Variants in FAM168A observed in about 807,000 individuals in gnomAD.
FAM168A encodes the protein protein FAM168A.
A neutral mutation model predicts 28.5 loss-of-function variants in FAM168A; 3 were observed. The observed-to-expected ratio is 0.11, with a 90% CI of 0.05 to 0.27. The LOEUF is 0.27. Ranked by LOEUF, FAM168A falls within the 10% of genes least tolerant of loss-of-function variation. The probability of loss-of-function intolerance (pLI) is 1.00; values close to 1 mark genes in which losing one functional copy is unlikely to be tolerated. For synonymous variants in FAM168A, 122 were observed against 124.2 expected, an observed-to-expected ratio of 0.98 and a Z score of 0.12; for missense variants, 222 against 311.5, an observed-to-expected ratio of 0.71 and a Z score of 2.16.
In FAM168A at chr11:73,401,962, A is replaced by T. The variant is rs1213951701; in HGVS notation, c.*4801T>A. On this transcript the variant is annotated 3_prime_UTR_variant, in exon 8 of 8. Coordinates refer to ENST00000356467, the MANE Select transcript of FAM168A (RefSeq NM_015159.3). Reference sequence around the variant, plus strand: ...GAGGAGTTTTCTAGGAAAGGGGCAGATAAGTAAAGGACAAACCCTGCAGCC... The same window carrying T: ...GAGGAGTTTTCTAGGAAAGGGGCAGTTAAGTAAAGGACAAACCCTGCAGCC... 3 of 152,270 alleles carry T rather than the reference A, an allele frequency of 2.0e-5. No individual in the cohort carries two copies. The highest frequency in any genetic ancestry group is 7.2e-5 in the African/African-American group (3 of 41,468). The allele number at this position is 152,270 out of a possible 1,614,324, so 9.4% of individuals were successfully genotyped here. A position where few individuals can be genotyped will look rare whatever the true frequency, so the allele number is the denominator to read the frequency against.
At chr11:73,433,986 C>T (rs553714264) in intron 2 of FAM168A, among the ~76,000 whole-genome samples, 1 of 151,366 alleles carries the variant, frequency 6.6e-6, no homozygotes, top group Admixed American at 6.6e-5. Flanking sequence ...GTTGGTATTA[C>T]AGGCACATAC....
At chr11:73,533,642 T>G (rs1263225152) in intron 1 of FAM168A, among the ~76,000 whole-genome samples, 1 of 152,216 alleles carries the variant, frequency 6.6e-6, no homozygotes. Context: ...TTTAGCTTTT[T>G]TGTTTTAAAG....
At chr11:73,442,933 AT>A (rs1310474695) in intron 2 of FAM168A, among the ~76,000 whole-genome samples, 1 of 108,048 alleles carries the variant, frequency 9.3e-6, no homozygotes, top group Non-Finnish European at 1.9e-5. Flanking sequence ...GTCCACAGGA[AT>A]TTTCCTTTAT....
intron 1 of FAM168A, among the ~76,000 whole-genome samples, chr11:73,550,302 T>C (rs1217603839): frequency 2.0e-5 from 3 of 152,072 alleles, no homozygotes; most frequent in Non-Finnish European, 4.4e-5. Context: ...TGAAATGGAA[T>C]AGAAGGTGGG....
At chr11:73,469,501 GCT>G (rs1467928172) in intron 1 of FAM168A, among the ~76,000 whole-genome samples, 1 of 152,196 alleles carries the variant, frequency 6.6e-6, no homozygotes, top group African/African-American at 2.4e-5. Context: ...GATGACAACT[GCT>G]CTGTGATTAG....
At chr11:73,589,913 G>C in intron 1 of FAM168A, among the ~76,000 whole-genome samples, 1 of 152,100 alleles carries the variant, frequency 6.6e-6, no homozygotes, top group Admixed American at 6.6e-5. Flanking sequence ...GGCGACAAGA[G>C]TGAAACTCCG....
At chr11:73,479,795 T>TATCA in intron 1 of FAM168A, among the ~76,000 whole-genome samples, 1 of 152,218 alleles carries the variant, frequency 6.6e-6, no homozygotes. Flanking sequence ...AAGGGCCTGA[T>TATCA]ATTAAAGCAA....
intron 1 of FAM168A, among the ~76,000 whole-genome samples, chr11:73,591,986 T>C (rs1375295694): frequency 6.6e-6 from 1 of 152,168 alleles, no homozygotes; most frequent in East Asian, 1.9e-4. Context: ...GGAAGACACA[T>C]TAGAAAACTA....
intron 1 of FAM168A, among the ~76,000 whole-genome samples, chr11:73,513,465 C>G (rs553901692): frequency 4.8e-4 from 73 of 151,902 alleles, no homozygotes; most frequent in African/African-American, 1.7e-3. Context: ...ATCCACCCAC[C>G]TTGGCCTCCC....
intron 1 of FAM168A, among the ~76,000 whole-genome samples, chr11:73,532,288 A>T (rs1421580759): frequency 1.3e-5 from 2 of 152,130 alleles, no homozygotes; most frequent in African/African-American, 4.8e-5. Context: ...TCTTATCAGG[A>T]CATATACCTA....
At chr11:73,424,705 T>G (rs1020025522) in intron 3 of FAM168A, among the ~76,000 whole-genome samples, 1 of 152,200 alleles carries the variant, frequency 6.6e-6, no homozygotes, top group African/African-American at 2.4e-5. Context: ...CAAAGCCAAC[T>G]GAGGAGCTGC....
At chr11:73,477,685 G>GA (rs778956175) in intron 1 of FAM168A, among the ~76,000 whole-genome samples, 7 of 149,734 alleles carry the variant, frequency 4.7e-5, no homozygotes, top group Non-Finnish European at 1.0e-4. Flanking sequence ...TCAATGTGCT[G>GA]AAAAAACAAA....
At position 73,409,662 on chromosome 11, in the gene FAM168A, C is replaced by CT. The variant is rs1349585602; in HGVS notation, c.421-2dup. 1.3e-6 allele frequency: 2 copies of CT among 1,597,796 alleles called. No homozygotes were observed. Among genetic ancestry groups the CT allele is most frequent in the Non-Finnish European group, 8.5e-7 (1 of 1,169,732 alleles). ...ACACCGGCTGTGTGTAGTAGGCTCC[C>CT]TGGGGGAAAGAGGCTGAGGTCACAT... On this transcript the variant is annotated splice_acceptor_variant, in intron 5 of 7. Coordinates refer to ENST00000356467, the MANE Select transcript of FAM168A (RefSeq NM_015159.3). LOFTEE classifies it high-confidence loss of function.
Position 73,427,879 on chromosome 11 carries a change from G to GC in FAM168A, c.151+2810dup, listed in dbSNP as rs1178890975. On this transcript the variant is annotated intron_variant, in intron 3 of 7. Transcript: ENST00000356467. The stretch of plus-strand genomic sequence containing the variant: ...TTCACAGCCTCCACCATTCAGATGG[G>GC]CCCCCCAATGTGACCCTGCTCTGTT... Among the ~76,000 whole-genome samples, 35 of 152,152 alleles carry GC rather than the reference G, an allele frequency of 2.3e-4. No individual in the cohort carries two copies. The East Asian group carries it at 6.8e-3, about 29-fold the overall frequency.
intron 1 of FAM168A, among the ~76,000 whole-genome samples, chr11:73,481,200 C>T (rs141399905): frequency 1.3e-5 from 2 of 152,280 alleles, no homozygotes; most frequent in East Asian, 1.9e-4. Context: ...ACTACAGGCA[C>T]GTGCCACCAT....
intron 3 of FAM168A, among the ~76,000 whole-genome samples, chr11:73,422,516 A>C (rs1056563746): frequency 1.3e-5 from 2 of 152,158 alleles, no homozygotes; most frequent in South Asian, 4.1e-4. Context: ...TTCTAAAGTC[A>C]CCCATTCTAT....
At chr11:73,423,035 A>C (rs1866826087) in intron 3 of FAM168A, among the ~76,000 whole-genome samples, 1 of 152,230 alleles carries the variant, frequency 6.6e-6, no homozygotes, top group African/African-American at 2.4e-5. Flanking sequence ...TAGCTATGGG[A>C]CCTTGGGCAA....
chr11:73,407,990 G>A (rs1351014887), intron 6 of FAM168A, among the ~76,000 whole-genome samples: 1 of 152,216 alleles, frequency 6.6e-6, no homozygotes, highest in African/African-American at 2.4e-5. Context: ...TCCCGCGTCA[G>A]CCTCCTGGGC....
At chr11:73,553,051 T>G (rs1479169974) in intron 1 of FAM168A, among the ~76,000 whole-genome samples, 1 of 152,328 alleles carries the variant, frequency 6.6e-6, no homozygotes, top group East Asian at 1.9e-4. Flanking sequence ...CAATAATATA[T>G]TGTTTTATAA....
Sources: gnomAD v4.1 joint callset for allele counts (sites outside exome capture counted in the v4.1 genomes callset) on GRCh38, gnomAD v4.1.1 for gene constraint, MANE v1.5 for transcripts, NCBI Gene and HGNC (gene_info 2026-07-23, HGNC 2026-07-21) for gene names.